The following AKAP11 variants were observed in gnomAD, a reference collection of about 807,000 sequenced individuals.
AKAP11 encodes the protein A-kinase anchoring protein 11, also known as A-kinase anchor protein 11.
AKAP11 carries 36 observed loss-of-function variants against 146.1 expected under a neutral mutation model. The ratio of observed to expected loss-of-function variants is 0.25; its 90% CI spans 0.19 to 0.33. AKAP11 has a LOEUF of 0.33. AKAP11 is among the 10% of genes least tolerant of loss of function. The probability of loss-of-function intolerance (pLI) is 1.00; values close to 1 mark genes in which losing one functional copy is unlikely to be tolerated. For synonymous variants in AKAP11, 780 were observed against 786.5 expected, an observed-to-expected ratio of 0.99 and a Z score of 0.14; for missense variants, 2,201 against 2,197.0, an observed-to-expected ratio of 1.00 and a Z score of -0.04.
intron 12 of AKAP11, among the ~76,000 whole-genome samples, chr13:42,318,817 TATTTG>T (rs1159527812): frequency 6.6e-6 from 1 of 152,194 alleles, no homozygotes; most frequent in African/African-American, 2.4e-5. Context: ...CCATGCAGAC[TATTTG>T]CTTGGTGAGG....
chr13:42,292,241 G>T, intron 3 of AKAP11, 144 bp from the exon 4 acceptor site: 1 of 423,236 alleles, frequency 2.4e-6, no homozygotes. Flanking sequence ...CTTCTCAGTG[G>T]AATTGAGTTC....
At chr13:42,277,703 A>G (rs1452331330) in intron 1 of AKAP11, among the ~76,000 whole-genome samples, 1 of 152,214 alleles carries the variant, frequency 6.6e-6, no homozygotes, top group African/African-American at 2.4e-5. Context: ...GTCATTGATG[A>G]AATTTCTCTT....
At chr13:42,280,675 T>C (rs1235767275) in intron 1 of AKAP11, among the ~76,000 whole-genome samples, 3 of 152,202 alleles carry the variant, frequency 2.0e-5, no homozygotes, top group African/African-American at 7.2e-5. Flanking sequence ...GAGGATTAAA[T>C]TATAAACCAC....
Position 42,321,443 on chromosome 13 carries a change from T to A in AKAP11, c.*2215T>A, listed in dbSNP as rs1367484734. On this transcript the variant is annotated 3_prime_UTR_variant, in exon 13 of 13. Coordinates refer to ENST00000025301, the MANE Select transcript of AKAP11 (RefSeq NM_016248.4). ...GTATTAGCATGTGTGGTAATAATAA[T>A]AGTGGAACTTCACACTTACATCAAT... 1.3e-5 allele frequency: 2 copies of A among 152,246 alleles called. No homozygotes were observed. The highest frequency in any genetic ancestry group is 1.5e-5 in the Non-Finnish European group (1 of 68,020). The allele number at this position is 152,246 out of a possible 1,614,324, so 9.4% of individuals were successfully genotyped here.
intron 1 of AKAP11, among the ~76,000 whole-genome samples, chr13:42,274,815 G>A (rs897704131): frequency 6.6e-6 from 1 of 152,214 alleles, no homozygotes; most frequent in African/African-American, 2.4e-5. Context: ...AATAAATGGG[G>A]TAGAGGCCTG....
chr13:42,315,289 A>G (rs1168574677), intron 11 of AKAP11, among the ~76,000 whole-genome samples: 2 of 152,150 alleles, frequency 1.3e-5, no homozygotes, highest in Non-Finnish European at 2.9e-5. Context: ...GACATTCTTT[A>G]TATAAGGCTT....
intron 9 of AKAP11, among the ~76,000 whole-genome samples, chr13:42,309,061 T>G (rs1352840061): frequency 6.6e-6 from 1 of 152,162 alleles, no homozygotes; most frequent in Non-Finnish European, 1.5e-5. Context: ...GTCCTGCTGT[T>G]AGGAACAAAA....
chr13:42,320,358 A>C lies in AKAP11; in HGVS notation c.*1130A>C, dbSNP rs1846925216. ...TAAACTATATCTACACTGTCTCGTC[A>C]AGTTCTCTGACACGATCTTTCTGGG... On this transcript the variant is annotated 3_prime_UTR_variant, in exon 13 of 13. Transcript: ENST00000025301. 8.1e-6 allele frequency: 1 copy of C among 122,728 alleles called. No individual in the cohort carries two copies. Among genetic ancestry groups the C allele is most frequent in the African/African-American group, 3.2e-5 (1 of 31,462 alleles). 7.6% of individuals were successfully genotyped at this position (122,728 alleles called of 1,614,324 possible). A position where few individuals can be genotyped will look rare whatever the true frequency, so the allele number is the denominator to read the frequency against.
rs1187514727 is a variant in AKAP11, at chr13:42,302,880, A to G, written c.4134A>G (p.Ser1378=). Residue 1378 remains serine, a synonymous_variant, in exon 8 of 13, where the codon TCA becomes TCG. Coordinates refer to ENST00000025301, the MANE Select transcript of AKAP11 (RefSeq NM_016248.4). Reference sequence around the variant, plus strand: ...GGCTTGCCTACCGATCTGTTAAATCAGGATTACAGGAAGCAGCTAAGACAA... The same window carrying G: ...GGCTTGCCTACCGATCTGTTAAATCGGGATTACAGGAAGCAGCTAAGACAA... The part of the protein sequence containing the change: ...ANRLAYRSVK[S]GLQEAAKTTK... 6.2e-7 allele frequency: 1 copy of G among 1,614,082 alleles called. No homozygotes were observed. Among genetic ancestry groups the G allele is most frequent in the Admixed American group, 1.7e-5 (1 of 60,002 alleles).
chr13:42,315,673 A>T (rs2138708824), intron 11 of AKAP11, among the ~76,000 whole-genome samples: 1 of 152,318 alleles, frequency 6.6e-6, no homozygotes, highest in African/African-American at 2.4e-5. Context: ...AGTTGGTAGA[A>T]ATCAGGAGAT....
rs781473275 is a variant in AKAP11 at position 42,303,558 on chromosome 13, G to A, written c.4812G>A (p.Gln1604=). 3.1e-6 allele frequency: 5 copies of A among 1,614,046 alleles called. No individual in the cohort carries two copies. In the African/African-American group the frequency reaches 6.7e-5, roughly 22 times the overall value. ...ELHNCTGNSS[Q]HFFRQGSLAS... ...ACAATTGCACTGGAAATTCATCTCAGCACTTTTTCAGACAGGGTTCTCTCG... is the reference window on the plus strand; with the variant it reads ...ACAATTGCACTGGAAATTCATCTCAACACTTTTTCAGACAGGGTTCTCTCG... Residue 1604 remains glutamine (Q), a synonymous_variant, in exon 8 of 13, where the codon CAG becomes CAA. Coordinates refer to ENST00000025301, the MANE Select transcript of AKAP11 (RefSeq NM_016248.4).
chr13:42,319,069 A>G lies in AKAP11; in HGVS notation c.5566-19A>G, dbSNP rs1420547078. The G allele has an allele frequency of 9.3e-6, 15 of 1,609,724 alleles. No homozygotes were observed. Among genetic ancestry groups the G allele is most frequent in the Non-Finnish European group, 1.3e-5 (15 of 1,178,270 alleles). Reference sequence around the variant, plus strand: ...TAAAATTGTTTTTGGTTAATGTTTGACACATCTTTCTTTCTTAGCTTTCAA... The same window carrying G: ...TAAAATTGTTTTTGGTTAATGTTTGGCACATCTTTCTTTCTTAGCTTTCAA... On this transcript the variant is annotated intron_variant, in intron 12 of 12. Transcript: ENST00000025301.
intron 8 of AKAP11, 35 bp from the exon 9 acceptor site, chr13:42,308,419 C>G: frequency 6.6e-7 from 1 of 1,522,684 alleles, no homozygotes; most frequent in Non-Finnish European, 8.9e-7. Flanking sequence ...GGGATGCTTT[C>G]AATTTGATTT....
Position 42,322,553 on chromosome 13 carries a change from C to T in AKAP11, c.*3325C>T, listed in dbSNP as rs896797517. On this transcript the variant is annotated 3_prime_UTR_variant, in exon 13 of 13. Coordinates refer to ENST00000025301, the MANE Select transcript of AKAP11 (RefSeq NM_016248.4). ...ATTTTAAACAACTGATGCATCCATA[C>T]TCAGGGTGTAGGGAGAATACTTTGC... 1 of 152,314 alleles carries T rather than the reference C, an allele frequency of 6.6e-6. No individual in the cohort carries two copies. Among genetic ancestry groups the T allele is most frequent in the Non-Finnish European group, 1.5e-5 (1 of 68,000 alleles). The allele number at this position is 152,314 out of a possible 1,614,324, so 9.4% of individuals were successfully genotyped here.
chr13:42,317,554 C>A lies in AKAP11; in HGVS notation c.5431C>A (p.Leu1811Ile), dbSNP rs746311279. 1.9e-6 allele frequency: 3 copies of A among 1,613,630 alleles called. No homozygotes were observed. The Admixed American group carries it at 5.0e-5, about 27-fold the overall frequency. The change falls in exon 12 of 13, where the codon CTA (leucine) becomes ATA (isoleucine). Residue 1811 changes from leucine to isoleucine, a missense_variant. Leu to Ile is a conservative substitution (Grantham distance 5, BLOSUM62 2). Coordinates refer to ENST00000025301, the MANE Select transcript of AKAP11 (RefSeq NM_016248.4). ...TTTGGGGCAAGATGGAAAGACACTGCTAATTACGAATATTGACATGGAGCC... is the reference window on the plus strand; with the variant it reads ...TTTGGGGCAAGATGGAAAGACACTGATAATTACGAATATTGACATGGAGCC... The part of the protein sequence containing the change: ...EGLGQDGKTL[L>I]ITNIDMEPCT...
chr13:42,315,494 A>G (rs1960775941), intron 11 of AKAP11, among the ~76,000 whole-genome samples: 4 of 152,232 alleles, frequency 2.6e-5, no homozygotes, highest in Admixed American at 1.3e-4. Flanking sequence ...AAGGCTATAC[A>G]TCGTATAAAT....
intron 3 of AKAP11, among the ~76,000 whole-genome samples, chr13:42,289,811 T>C (rs1022479882): frequency 6.6e-6 from 1 of 152,184 alleles, no homozygotes; most frequent in Non-Finnish European, 1.5e-5. Context: ...TCTAAATTAG[T>C]GTGAAAATCC....
At position 42,320,760 on chromosome 13, in the gene AKAP11, G is replaced by A. The variant is rs779797326; in HGVS notation, c.*1532G>A. The A allele has an allele frequency of 2.6e-5, 4 of 152,258 alleles. No homozygotes were observed. Among genetic ancestry groups the A allele is most frequent in the Non-Finnish European group, 5.9e-5 (4 of 68,038 alleles). 9.4% of individuals were successfully genotyped at this position (152,258 alleles called of 1,614,324 possible). A position where few individuals can be genotyped will look rare whatever the true frequency, so the allele number is the denominator to read the frequency against. Reference sequence around the variant, plus strand: ...GCACAAAACGTAGAAAGAAGACATAGCGCCTGCCAGGGAATAGGAAATGAG... The same window carrying A: ...GCACAAAACGTAGAAAGAAGACATAACGCCTGCCAGGGAATAGGAAATGAG... On this transcript the variant is annotated 3_prime_UTR_variant, in exon 13 of 13. Coordinates refer to ENST00000025301, the MANE Select transcript of AKAP11 (RefSeq NM_016248.4).
At chr13:42,319,058 G>C (rs1423368580) in intron 12 of AKAP11, 30 bp from the exon 13 acceptor site, 1 of 1,598,704 alleles carries the variant, frequency 6.3e-7, no homozygotes, top group African/African-American at 1.3e-5. Flanking sequence ...ATTGTTTTTG[G>C]TTAATGTTTG....
Sources: allele counts gnomAD v4.1 joint callset (sites outside exome capture counted in the v4.1 genomes callset), GRCh38; gene constraint gnomAD v4.1.1; transcripts MANE v1.5; gene names NCBI Gene and HGNC (gene_info 2026-07-23, HGNC 2026-07-21).